The following COL12A1 variants were observed in gnomAD, a reference collection of about 807,000 sequenced individuals.
The protein encoded by COL12A1 is collagen type XII alpha 1 chain.
In COL12A1, 114 loss-of-function variants were observed where a neutral mutation model predicts 349.7. The ratio of observed to expected loss-of-function variants is 0.33; its 90% CI spans 0.28 to 0.38. COL12A1 has a LOEUF of 0.38. COL12A1 is among the 10% of genes least tolerant of loss of function. The probability of loss-of-function intolerance (pLI) is 1.00; values close to 1 mark genes in which losing one functional copy is unlikely to be tolerated. For missense variants in COL12A1, 3,284 were observed against 3,756.9 expected (o/e 0.87, Z 3.29); for synonymous variants, 1,369 against 1,329.0 (o/e 1.03, Z -0.66).
chr6:75,125,815 T>C (rs1025250386), intron 39 of COL12A1, among the ~76,000 whole-genome samples: 1 of 152,128 alleles, frequency 6.6e-6, no homozygotes, highest in Non-Finnish European at 1.5e-5. Flanking sequence ...ACTGGATATA[T>C]GGAAGATGCC....
intron 42 of COL12A1, 114 bp downstream of exon 42, chr6:75,123,834 A>T: frequency 9.0e-7 from 1 of 1,116,126 alleles, no homozygotes; most frequent in East Asian, 2.5e-5. Context: ...TCATCCCATC[A>T]TTATTGCTAC....
rs755460021 is a variant in COL12A1 at position 75,125,254 on chromosome 6, T to C, written c.6480A>G (p.Glu2160=). 3 of 1,608,358 alleles carry C rather than the reference T, an allele frequency of 1.9e-6. No individual in the cohort carries two copies. The South Asian group carries it at 3.3e-5, about 18-fold the overall frequency. The change falls in exon 40 of 66, where the codon GAA becomes GAG. Residue 2160 remains glutamate (E), a synonymous_variant. Coordinates refer to ENST00000322507, the MANE Select transcript of COL12A1 (RefSeq NM_004370.6). The stretch of plus-strand genomic sequence containing the variant: ...ATGATGTCATTTCTCCAACAAAGGC[T>C]TCCATGGGCTCATTGGAACCTTTAT... The part of the protein sequence containing the change: ...YKPVGSNEPM[E]AFVGEMTSYT...
Position 75,145,820 on chromosome 6 carries a change from C to T in COL12A1, c.4560+282G>A, listed in dbSNP as rs58226666. On this transcript the variant is annotated intron_variant, in intron 24 of 65. Coordinates refer to ENST00000322507, the MANE Select transcript of COL12A1 (RefSeq NM_004370.6). ...CTAATTTTTGTATTTTTAGTAGAAA[C>T]GGTGTTTCACCATATTGGTCGGGCT... 0.056 allele frequency among the ~76,000 whole-genome samples: 8,556 copies of T among 151,884 alleles called. 607 individuals are homozygous for T. Among genetic ancestry groups the T allele is most frequent in the African/African-American group, 0.16 (6,776 of 41,402 alleles).
chr6:75,191,009 C>T (rs743004), intron 5 of COL12A1, among the ~76,000 whole-genome samples: 126,181 of 151,808 alleles, frequency 0.83, 53,657 homozygotes, highest in Non-Finnish European at 0.93. Context: ...CCAAGTTTTA[C>T]GAGATGACAA....
intron 2 of COL12A1, among the ~76,000 whole-genome samples, chr6:75,199,646 A>G (rs1249126306): frequency 6.6e-6 from 1 of 152,228 alleles, no homozygotes. Flanking sequence ...ATACTGTATC[A>G]TACATGAACC....
At chr6:75,168,235 AT>A (rs962435256) in intron 13 of COL12A1, among the ~76,000 whole-genome samples, 1 of 152,092 alleles carries the variant, frequency 6.6e-6, no homozygotes, top group African/African-American at 2.4e-5. Flanking sequence ...CACATTGATA[AT>A]TTTTTTTAGG....
At chr6:75,197,946 T>C (rs1042847661) in intron 2 of COL12A1, among the ~76,000 whole-genome samples, 3 of 152,178 alleles carry the variant, frequency 2.0e-5, no homozygotes, top group Non-Finnish European at 4.4e-5. Context: ...TGCTGAGTGT[T>C]CTCTATAACA....
intron 8 of COL12A1, among the ~76,000 whole-genome samples, chr6:75,185,075 C>T (rs142076372): frequency 4.6e-5 from 7 of 152,288 alleles, no homozygotes; most frequent in African/African-American, 1.7e-4. Context: ...GATGAGGTTG[C>T]CCTCTCTCAC....
intron 8 of COL12A1, among the ~76,000 whole-genome samples, chr6:75,188,137 T>A (rs1769731307): frequency 6.6e-6 from 1 of 152,044 alleles, no homozygotes; most frequent in Non-Finnish European, 1.5e-5. Flanking sequence ...CCAAAAAAAT[T>A]TTAAGAACTG....
chr6:75,203,114 A>T (rs1159746400), intron 1 of COL12A1, among the ~76,000 whole-genome samples: 8 of 152,078 alleles, frequency 5.3e-5, no homozygotes, highest in Admixed American at 2.6e-4. Context: ...CCCTCACATG[A>T]CTTCATCCTG....
chr6:75,102,657 T>G lies in COL12A1; in HGVS notation c.8355A>C (p.Pro2785=). The part of the protein sequence containing the change: ...PPGPRGDIGP[P]GPQGPPGPQG... The stretch of plus-strand genomic sequence containing the variant: ...GAGGGCCTGGAGGACCCTGGGGGCC[T>G]GGAGGACCTATGTCTCCACGAGGAC... The change falls in exon 56 of 66, where the codon CCA becomes CCC. Residue 2785 remains proline, a synonymous_variant. Coordinates refer to ENST00000322507, the MANE Select transcript of COL12A1 (RefSeq NM_004370.6). The G allele has an allele frequency of 6.3e-7, 1 of 1,574,836 alleles. No homozygotes were observed. Among genetic ancestry groups the G allele is most frequent in the Non-Finnish European group, 8.6e-7 (1 of 1,161,912 alleles).
intron 12 of COL12A1, among the ~76,000 whole-genome samples, chr6:75,176,280 G>A (rs899948502): frequency 6.0e-5 from 9 of 150,630 alleles, no homozygotes; most frequent in African/African-American, 2.0e-4. Flanking sequence ...AGTGGGGGAG[G>A]AAGGAAAGTG....
intron 38 of COL12A1, among the ~76,000 whole-genome samples, chr6:75,128,028 A>G (rs1766104574): frequency 6.6e-6 from 1 of 152,190 alleles, no homozygotes; most frequent in Non-Finnish European, 1.5e-5. Context: ...TTTTCCAAAG[A>G]AGAAATAAAA....
chr6:75,192,774 C>A (rs1193996000), intron 3 of COL12A1, among the ~76,000 whole-genome samples: 1 of 151,964 alleles, frequency 6.6e-6, no homozygotes, highest in East Asian at 1.9e-4. Flanking sequence ...TGAAAATAAA[C>A]TCAAAGAAAA....
At position 75,118,859 on chromosome 6, in the gene COL12A1, T is replaced by G. The variant is rs547169594; in HGVS notation, c.7354+184A>C. Reference sequence around the variant, plus strand: ...CACATCTTATACAAAGAATACCCCATGTCATTTTTGAGCAGTTGCAAACCA... The same window carrying G: ...CACATCTTATACAAAGAATACCCCAGGTCATTTTTGAGCAGTTGCAAACCA... On this transcript the variant is annotated intron_variant, in intron 46 of 65. Transcript: ENST00000322507. 8.5e-5 allele frequency among the ~76,000 whole-genome samples: 13 copies of G among 152,328 alleles called. No individual in the cohort carries two copies. The South Asian group carries it at 2.7e-3, about 32-fold the overall frequency.
chr6:75,188,644 C>T (rs995558327), intron 7 of COL12A1, 109 bp from the exon 8 acceptor site: 1 of 1,217,902 alleles, frequency 8.2e-7, no homozygotes, highest in Admixed American at 2.2e-5. Flanking sequence ...TTCAAATCGT[C>T]ATTAAGTCAT....
At chr6:75,163,062 TAGC>T (rs1437406158) in intron 14 of COL12A1, among the ~76,000 whole-genome samples, 1 of 152,220 alleles carries the variant, frequency 6.6e-6, no homozygotes, top group Non-Finnish European at 1.5e-5. Context: ...ACACTGTTGG[TAGC>T]AGTGTAAATT....
At chr6:75,170,010 G>A (rs1479642593) in intron 13 of COL12A1, among the ~76,000 whole-genome samples, 1 of 152,180 alleles carries the variant, frequency 6.6e-6, no homozygotes, top group African/African-American at 2.4e-5. Flanking sequence ...TACTTCTCAT[G>A]ATCTGAACAT....
Position 75,133,870 on chromosome 6 carries a change from A to T in COL12A1, c.5652T>A (p.Gly1884=). ...YKLFYAPAAG[G]PEELVPIPGN... ...AAGAAATAATTACCAGTTCCTCTGG[A>T]CCACCTGCTGCTGGTGCATAGAAGA... The change falls in exon 33 of 66, where the codon GGT becomes GGA. Residue 1884 remains glycine, a synonymous_variant. Transcript: ENST00000322507. 1 of 1,614,126 alleles carries T rather than the reference A, an allele frequency of 6.2e-7. No individual in the cohort carries two copies. The highest frequency in any genetic ancestry group is 2.2e-5 in the East Asian group (1 of 44,890).
Sources: allele counts gnomAD v4.1 joint callset (sites outside exome capture counted in the v4.1 genomes callset), GRCh38; gene constraint gnomAD v4.1.1; transcripts MANE v1.5; gene names NCBI Gene and HGNC (gene_info 2026-07-23, HGNC 2026-07-21).